Variants in GABRA2 observed in about 807,000 individuals in gnomAD.
The protein encoded by GABRA2 is gamma-aminobutyric acid receptor subunit alpha-2.
GABRA2 carries 16 observed loss-of-function variants against 48.7 expected under a neutral mutation model. The ratio of observed to expected loss-of-function variants is 0.33; its 90% confidence interval spans 0.22 to 0.50. GABRA2 has a LOEUF of 0.50. Among genes scored for constraint, GABRA2 ranks in the 20% least tolerant of loss-of-function variants. The pLI is 0.98. For synonymous variants in GABRA2, 185 were observed against 184.5 expected (o/e 1.00, Z -0.02); for missense variants, 275 against 535.6 (o/e 0.51, Z 4.80).
rs571788958 is a variant in GABRA2 at position 46,275,700 on chromosome 4, T to C, written c.857-13572A>G. On this transcript the variant is annotated intron_variant, in intron 8 of 9. Transcript: ENST00000381620. ...TTCTATTTCACTCTTGTAAGTTTCA[T>C]TGCCATAAAATGCAGTGTGACTGGT... 2.6e-5 allele frequency among the ~76,000 whole-genome samples: 4 copies of C among 152,262 alleles called. No homozygotes were observed. The South Asian group carries it at 8.3e-4, about 32-fold the overall frequency.
chr4:46,267,565 A>G (rs961327121), intron 8 of GABRA2, among the ~76,000 whole-genome samples: 1 of 151,986 alleles, frequency 6.6e-6, no homozygotes, highest in Non-Finnish European at 1.5e-5. Flanking sequence ...GGAATACTGT[A>G]ATGTGGCAAA....
intron 3 of GABRA2, among the ~76,000 whole-genome samples, chr4:46,358,932 C>A (rs1578163596): frequency 6.6e-6 from 1 of 152,258 alleles, no homozygotes; most frequent in East Asian, 1.9e-4. Context: ...GATGAATTAC[C>A]TTCACAGGTA....
At chr4:46,303,228 G>A (rs1726056549) in intron 8 of GABRA2, 3 of 482,912 alleles carry the variant, frequency 6.2e-6, no homozygotes, top group Non-Finnish European at 1.1e-5. Flanking sequence ...TTAACAGAAA[G>A]AAGACTAAGT....
intron 8 of GABRA2, among the ~76,000 whole-genome samples, chr4:46,287,977 G>C (rs1026450989): frequency 8.5e-5 from 13 of 152,112 alleles, no homozygotes; most frequent in African/African-American, 3.1e-4. Flanking sequence ...TACATGGATA[G>C]CAGTAGGCAA....
intron 3 of GABRA2, among the ~76,000 whole-genome samples, chr4:46,378,986 AT>A (rs1179791074): frequency 6.6e-6 from 1 of 152,176 alleles, no homozygotes; most frequent in Admixed American, 6.5e-5. Flanking sequence ...CTATAAAACA[AT>A]CACAAGCTAT....
At chr4:46,322,824 T>C (rs966068840) in intron 4 of GABRA2, among the ~76,000 whole-genome samples, 1 of 152,014 alleles carries the variant, frequency 6.6e-6, no homozygotes, top group Non-Finnish European at 1.5e-5. Flanking sequence ...CAGAGGCAGA[T>C]GGCAGAAAAG....
intron 3 of GABRA2, among the ~76,000 whole-genome samples, chr4:46,338,860 T>C (rs1732723540): frequency 6.6e-6 from 1 of 151,928 alleles, no homozygotes; most frequent in Admixed American, 6.6e-5. Flanking sequence ...AATAGACAGC[T>C]ACTGAGAAGT....
Position 46,292,460 on chromosome 4 carries a change from G to A in GABRA2, c.856+11000C>T, listed in dbSNP as rs77735345. Among the ~76,000 whole-genome samples, 5 of 152,304 alleles carry A rather than the reference G, an allele frequency of 3.3e-5. No homozygotes were observed. The East Asian group carries it at 5.8e-4, about 18-fold the overall frequency. ...GGACACTACAACTTGGAATGAAGAT[G>A]TGTAGGAGGACCCTGAGGAAGCTGA... On this transcript the variant is annotated intron_variant, in intron 8 of 9. Coordinates refer to ENST00000381620, the MANE Select transcript of GABRA2 (RefSeq NM_000807.4).
intron 3 of GABRA2, among the ~76,000 whole-genome samples, chr4:46,345,337 G>A (rs539788226): frequency 6.6e-6 from 1 of 151,960 alleles, no homozygotes; most frequent in South Asian, 2.1e-4. Context: ...TTAGTATCTA[G>A]TGTCAGCTCG....
In GABRA2 at chr4:46,249,305, G is replaced by A. The variant is rs1414153284; in HGVS notation, c.*1003C>T. ...TTCCTTTATAATTAGTGGCTTCTGA[G>A]TCTTGAAAAGAAGCCTTAAGGCAGA... On this transcript the variant is annotated 3_prime_UTR_variant, in exon 10 of 10. Coordinates refer to ENST00000381620, the MANE Select transcript of GABRA2 (RefSeq NM_000807.4). The A allele has an allele frequency of 6.6e-6, 1 of 151,358 alleles. No individual in the cohort carries two copies. The highest frequency in any genetic ancestry group is 2.4e-5 in the African/African-American group (1 of 41,310). The allele number at this position is 151,358 out of a possible 1,614,324, so 9.4% of individuals were successfully genotyped here.
chr4:46,382,660 T>C (rs1417148868), intron 3 of GABRA2, among the ~76,000 whole-genome samples: 1 of 152,190 alleles, frequency 6.6e-6, no homozygotes, highest in Non-Finnish European at 1.5e-5. Context: ...CAATATATTA[T>C]ATAATCTTTG....
chr4:46,323,100 C>CA (rs913543281), intron 4 of GABRA2, among the ~76,000 whole-genome samples: 8 of 151,430 alleles, frequency 5.3e-5, no homozygotes, highest in African/African-American at 9.7e-5. Context: ...CAACACATAC[C>CA]AAAAAAGGCA....
chr4:46,335,119 T>C (rs1464819469), intron 3 of GABRA2, among the ~76,000 whole-genome samples: 1 of 152,088 alleles, frequency 6.6e-6, no homozygotes, highest in Admixed American at 6.6e-5. Context: ...ATTTTGGCTT[T>C]CTATAAGACA....
chr4:46,355,475 T>C (rs192759098), intron 3 of GABRA2, among the ~76,000 whole-genome samples: 3 of 152,310 alleles, frequency 2.0e-5, no homozygotes, highest in African/African-American at 4.8e-5. Context: ...TTTCCCCCAG[T>C]AGACCCTTTA....
chr4:46,260,382 T>A (rs1365734760), intron 9 of GABRA2, among the ~76,000 whole-genome samples: 1 of 151,904 alleles, frequency 6.6e-6, no homozygotes. Flanking sequence ...ACATGAGGAG[T>A]AAGCTATTGC....
chr4:46,368,984 G>A (rs984196169), intron 3 of GABRA2: 6 of 700,814 alleles, frequency 8.6e-6, no homozygotes, highest in Non-Finnish European at 1.6e-5. Context: ...ATGTTACACA[G>A]ACTGGAGATT....
At chr4:46,382,999 C>G (rs1371009830) in intron 3 of GABRA2, among the ~76,000 whole-genome samples, 1 of 152,028 alleles carries the variant, frequency 6.6e-6, no homozygotes, top group Non-Finnish European at 1.5e-5. Flanking sequence ...AATAATGATA[C>G]AGGTAATTTC....
intron 3 of GABRA2, among the ~76,000 whole-genome samples, chr4:46,357,135 A>G (rs1736119607): frequency 6.6e-6 from 1 of 151,900 alleles, no homozygotes; most frequent in Non-Finnish European, 1.5e-5. Flanking sequence ...CTACATACAT[A>G]AAACAGTGAT....
At chr4:46,278,858 G>T (rs116100019) in intron 8 of GABRA2, among the ~76,000 whole-genome samples, 1 of 151,776 alleles carries the variant, frequency 6.6e-6, no homozygotes, top group Non-Finnish European at 1.5e-5. Flanking sequence ...ACGATGGTGA[G>T]GGAAATAGAA....
Sources: allele counts gnomAD v4.1 joint callset (sites outside exome capture counted in the v4.1 genomes callset), GRCh38; gene constraint gnomAD v4.1.1; transcripts MANE v1.5; gene names NCBI Gene and HGNC (gene_info 2026-07-23, HGNC 2026-07-21).